Variants in CNTLN observed in about 807,000 individuals in gnomAD.
CNTLN encodes the protein centlein, centrosomal protein.
A neutral mutation model predicts 180.0 loss-of-function variants in CNTLN; 212 were observed. That is an observed-to-expected ratio of 1.18 (90% CI 1.05 to 1.32). CNTLN has a LOEUF of 1.32. CNTLN is among the 40% of genes most tolerant of loss of function. CNTLN has a pLI of 0.00. For synonymous variants in CNTLN, 722 were observed against 563.1 expected (o/e 1.28, Z -3.99); for missense variants, 2,095 against 1,610.9 (o/e 1.30, Z -5.14).
At chr9:17,359,531 A>G (rs1410612205) in intron 12 of CNTLN, among the ~76,000 whole-genome samples, 3 of 151,514 alleles carry the variant, frequency 2.0e-5, no homozygotes, top group Non-Finnish European at 4.4e-5. Context: ...TAAATAAGAA[A>G]AGGACAGTCA....
At chr9:17,513,586 A>G in the CNTLN span, among the ~76,000 whole-genome samples, 1 of 152,134 alleles carries the variant, frequency 6.6e-6, no homozygotes, top group East Asian at 1.9e-4. Context: ...AGTCCCAGCT[A>G]TGCAGGAGGT....
chr9:17,236,728 A>C (rs1283245960), intron 5 of CNTLN, 140 bp downstream of exon 5: 1 of 594,800 alleles, frequency 1.7e-6, no homozygotes, highest in Non-Finnish European at 2.7e-6. Flanking sequence ...TCTTTCACTT[A>C]AGACCCATAG....
chr9:17,348,932 G>C (rs1822143691), intron 12 of CNTLN, among the ~76,000 whole-genome samples: 1 of 151,984 alleles, frequency 6.6e-6, no homozygotes, highest in Non-Finnish European at 1.5e-5. Flanking sequence ...CAGGGTTTTT[G>C]TTTTACTGGT....
intron 15 of CNTLN, among the ~76,000 whole-genome samples, chr9:17,397,508 G>T (rs1196645545): frequency 6.6e-6 from 1 of 152,208 alleles, no homozygotes; most frequent in Non-Finnish European, 1.5e-5. Context: ...AGGATGACCA[G>T]AGGTCACTCT....
intron 7 of CNTLN, among the ~76,000 whole-genome samples, chr9:17,302,564 C>T (rs577651123): frequency 5.9e-5 from 9 of 152,072 alleles, no homozygotes; most frequent in East Asian, 1.9e-4. Context: ...TAAGAATGTA[C>T]GGGGGTCATG....
At chr9:17,516,470 G>T in the CNTLN span, among the ~76,000 whole-genome samples, 2 of 152,176 alleles carry the variant, frequency 1.3e-5, no homozygotes, top group Admixed American at 6.5e-5. Context: ...CCAGGAAAAA[G>T]GGTATAACTT....
intron 2 of CNTLN, among the ~76,000 whole-genome samples, chr9:17,157,674 A>G (rs966972136): frequency 6.6e-6 from 1 of 152,164 alleles, no homozygotes; most frequent in Non-Finnish European, 1.5e-5. Context: ...TGAATAGAAC[A>G]TGAAGGCTGA....
intron 18 of CNTLN, among the ~76,000 whole-genome samples, chr9:17,454,595 G>A (rs894379): frequency 0.75 from 114,370 of 152,122 alleles, 43,220 homozygotes; most frequent in East Asian, 0.91. Context: ...CCTTTAACAC[G>A]CTTCTCAGAC....
chr9:17,410,557 C>A (rs1236343772), intron 16 of CNTLN, among the ~76,000 whole-genome samples: 2 of 152,038 alleles, frequency 1.3e-5, no homozygotes, highest in Admixed American at 6.6e-5. Flanking sequence ...GCCAAACTTA[C>A]CAATTTTTTG....
intron 25 of CNTLN, among the ~76,000 whole-genome samples, chr9:17,487,680 CATA>C (rs1430823231): frequency 6.6e-6 from 1 of 152,118 alleles, no homozygotes; most frequent in Non-Finnish European, 1.5e-5. Context: ...TGGAAAGCTG[CATA>C]GAGGATGACA....
At chr9:17,298,431 A>C in intron 7 of CNTLN, 79 bp downstream of exon 7, 1 of 1,316,406 alleles carries the variant, frequency 7.6e-7, no homozygotes, top group Non-Finnish European at 9.8e-7. Flanking sequence ...GATTTTTTCA[A>C]ATTTCAGCAT....
chr9:17,406,479 T>C (rs1326612184), intron 15 of CNTLN, among the ~76,000 whole-genome samples: 3 of 151,740 alleles, frequency 2.0e-5, no homozygotes, highest in Non-Finnish European at 4.4e-5. Context: ...GCCAGATATC[T>C]AAAACAACCA....
Position 17,382,937 on chromosome 9 carries a change from C to A in CNTLN, c.1988-5225C>A, listed in dbSNP as rs192674094. ...GAACTGAAAAATCAGCAAAATAAAA[C>A]CCCAAAAGTGCTTTAGCGTTTAACC... On this transcript the variant is annotated intron_variant, in intron 13 of 25. Coordinates refer to ENST00000380647, the MANE Select transcript of CNTLN (RefSeq NM_017738.4). Among the ~76,000 whole-genome samples the A allele has an allele frequency of 9.0e-4, 137 of 152,120 alleles. 2 individuals are homozygous for A. Among genetic ancestry groups the A allele is most frequent in the African/African-American group, 3.2e-3 (134 of 41,512 alleles).
chr9:17,449,938 A>G (rs556983016), intron 18 of CNTLN, among the ~76,000 whole-genome samples: 40 of 152,336 alleles, frequency 2.6e-4, no homozygotes, highest in South Asian at 1.4e-3. Context: ...GAATAATTTG[A>G]CACTTGAAAT....
chr9:17,297,960 G>C (rs1818065252), intron 6 of CNTLN, among the ~76,000 whole-genome samples: 1 of 152,098 alleles, frequency 6.6e-6, no homozygotes, highest in South Asian at 2.1e-4. Context: ...AGCTACAAAA[G>C]AAAATTAATA....
intron 2 of CNTLN, among the ~76,000 whole-genome samples, chr9:17,207,447 C>G (rs181655528): frequency 1.3e-5 from 2 of 152,252 alleles, no homozygotes; most frequent in Admixed American, 1.3e-4. Flanking sequence ...CAAAGAGCAG[C>G]TCAGCTTTGT....
At chr9:17,245,330 T>G (rs959822482) in intron 5 of CNTLN, among the ~76,000 whole-genome samples, 1 of 152,092 alleles carries the variant, frequency 6.6e-6, no homozygotes, top group African/African-American at 2.4e-5. Flanking sequence ...AAAAGTTTTT[T>G]TTTTTCCTTC....
At chr9:17,347,635 C>T (rs2133259956) in intron 12 of CNTLN, among the ~76,000 whole-genome samples, 1 of 149,966 alleles carries the variant, frequency 6.7e-6, no homozygotes, top group Non-Finnish European at 1.5e-5. Flanking sequence ...TGCCATTGCA[C>T]TCCAACCTGG....
rs932660734 is a variant in CNTLN at position 17,340,876 on chromosome 9, G to A, written c.1694G>A (p.Arg565Gln). Residue 565 changes from arginine to glutamine, a missense_variant, in exon 11 of 26, where the codon CGG (arginine) becomes CAG (glutamine). Arg to Gln is a conservative substitution (Grantham distance 43, BLOSUM62 1). Coordinates refer to ENST00000380647, the MANE Select transcript of CNTLN (RefSeq NM_017738.4). ...GATGCCCATGAAAAACGCAAGGAAC[G>A]GCTACAGATGTTACAGACCAACTAC... ...LRDAHEKRKERLQMLQTNYRA... is the reference protein window; with the variant it reads ...LRDAHEKRKEQLQMLQTNYRA... The A allele has an allele frequency of 6.2e-6, 10 of 1,611,994 alleles. No individual in the cohort carries two copies. Among genetic ancestry groups the A allele is most frequent in the Admixed American group, 3.3e-5 (2 of 59,798 alleles).
Sources: gnomAD v4.1 joint callset for allele counts (sites outside exome capture counted in the v4.1 genomes callset) on GRCh38, gnomAD v4.1.1 for gene constraint, MANE v1.5 for transcripts, NCBI Gene and HGNC (gene_info 2026-07-23, HGNC 2026-07-21) for gene names.